The following CDH18 variants were observed in gnomAD, a reference collection of about 807,000 sequenced individuals.
The protein encoded by CDH18 is cadherin-18.
A neutral mutation model predicts 67.9 loss-of-function variants in CDH18; 31 were observed. The observed-to-expected ratio is 0.46, with a 90% CI of 0.34 to 0.62. CDH18 has a LOEUF of 0.62. Among genes scored for constraint, CDH18 ranks in the 20% least tolerant of loss-of-function variants. The pLI is 0.01. For missense variants in CDH18, 890 were observed against 975.5 expected (o/e 0.91, Z 1.17); for synonymous variants, 362 against 347.2 (o/e 1.04, Z -0.48).
At chr5:20,365,756 T>C (rs1742465419) in intron 1 of CDH18, among the ~76,000 whole-genome samples, 1 of 152,234 alleles carries the variant, frequency 6.6e-6, no homozygotes, top group Admixed American at 6.5e-5. Context: ...CCTTTATAGA[T>C]ACCTAGCCAT....
rs1776226515 is a variant in CDH18, at chr5:19,790,316, TA to T, written c.229-43081del. Among the ~76,000 whole-genome samples, 8 of 152,314 alleles carry T rather than the reference TA, an allele frequency of 5.3e-5. No individual in the cohort carries two copies. In the South Asian group the frequency reaches 1.7e-3, roughly 32 times the overall value. On this transcript the variant is annotated intron_variant, in intron 3 of 12. Transcript: ENST00000382275. Reference sequence around the variant, plus strand: ...TTCTGATTTTTTATTACTGCATGTATAAATTTTGAAATTGTTTCACTCCTTC... The same window carrying T: ...TTCTGATTTTTTATTACTGCATGTATAATTTTGAAATTGTTTCACTCCTTC...
At position 19,774,770 on chromosome 5, in the gene CDH18, T is replaced by C. The variant is rs1255375820; in HGVS notation, c.229-27534A>G. Among the ~76,000 whole-genome samples, 3 of 112,074 alleles carry C rather than the reference T, an allele frequency of 2.7e-5. No individual in the cohort carries two copies. The East Asian group carries it at 9.1e-4, about 34-fold the overall frequency. The allele number at this position is 112,074 out of a possible 152,430, so 73.5% of individuals were successfully genotyped here. On this transcript the variant is annotated intron_variant, in intron 3 of 12. Coordinates refer to ENST00000382275, the MANE Select transcript of CDH18 (RefSeq NM_004934.5). ...GTTGCAGGAAGCAAAGATCACACCA[T>C]TGCACTACAGCCTGAGTGACAGAGC...
intron 2 of CDH18, among the ~76,000 whole-genome samples, chr5:20,246,703 T>G (rs1743406436): frequency 6.6e-6 from 1 of 152,144 alleles, no homozygotes. Flanking sequence ...TTCATGATGG[T>G]TAAGAGCAAG....
chr5:19,908,349 A>G (rs116048259), intron 2 of CDH18, among the ~76,000 whole-genome samples: 162 of 152,204 alleles, frequency 1.1e-3, no homozygotes, highest in African/African-American at 3.8e-3. Context: ...TTTAACTAAA[A>G]ATGTTTTTAT....
At chr5:20,177,560 C>T (rs893860429) in intron 2 of CDH18, among the ~76,000 whole-genome samples, 1 of 152,000 alleles carries the variant, frequency 6.6e-6, no homozygotes, top group African/African-American at 2.4e-5. Flanking sequence ...GGAGTCTGGA[C>T]ATTTCGTCAA....
At chr5:19,624,661 T>A (rs1470989597) in intron 5 of CDH18, among the ~76,000 whole-genome samples, 1 of 152,162 alleles carries the variant, frequency 6.6e-6, no homozygotes, top group Non-Finnish European at 1.5e-5. Context: ...TTGAGATAGT[T>A]CTGAAGGAGC....
chr5:20,213,079 T>C (rs954943667), intron 2 of CDH18, among the ~76,000 whole-genome samples: 2 of 152,166 alleles, frequency 1.3e-5, no homozygotes, highest in South Asian at 2.1e-4. Flanking sequence ...ATTAAGCTCA[T>C]TAAGCTTAAT....
rs35498841 is a variant in CDH18 at position 19,785,654 on chromosome 5, C to CAAAA, written c.229-38422_229-38419dup. Among the ~76,000 whole-genome samples the CAAAA allele has an allele frequency of 3.6e-3, 14 of 3,904 alleles. 1 individual carries two copies. The highest frequency in any genetic ancestry group is 4.6e-3 in the African/African-American group (8 of 1,754). The allele number at this position is 3,904 out of a possible 152,430, so 2.6% of individuals were successfully genotyped here. On this transcript the variant is annotated intron_variant, in intron 3 of 12. Transcript: ENST00000382275. Reference sequence around the variant, plus strand: ...CGGCAACAAGAGCAAAACTCTGTCTCAAAAAAAAAAAAAAAAAAAAAAAAA... The same window carrying CAAAA: ...CGGCAACAAGAGCAAAACTCTGTCTCAAAAAAAAAAAAAAAAAAAAAAAAAAAAA...
At chr5:20,067,616 C>T (rs181772657) in intron 2 of CDH18, among the ~76,000 whole-genome samples, 277 of 152,080 alleles carry the variant, frequency 1.8e-3, no homozygotes, top group African/African-American at 6.4e-3. Flanking sequence ...AAACTAATTA[C>T]GAATTCAGAC....
chr5:20,555,444 T>TC (rs1757853668), intron 1 of CDH18, among the ~76,000 whole-genome samples: 1 of 58,360 alleles, frequency 1.7e-5, no homozygotes, highest in African/African-American at 5.8e-5. Context: ...TTTTTTTTTT[T>TC]TTTTTTCTTT....
At chr5:20,545,822 G>A (rs999659590) in intron 1 of CDH18, among the ~76,000 whole-genome samples, 47 of 152,282 alleles carry the variant, frequency 3.1e-4, no homozygotes, top group African/African-American at 8.9e-4. Flanking sequence ...TGGGGCTGGC[G>A]TGAATAATTC....
At chr5:19,512,899 G>T (rs1745344705) in intron 10 of CDH18, among the ~76,000 whole-genome samples, 1 of 151,766 alleles carries the variant, frequency 6.6e-6, no homozygotes. Flanking sequence ...AAGTTATGCT[G>T]GCATCATAAA....
chr5:20,259,606 A>G (rs903871788), intron 1 of CDH18, among the ~76,000 whole-genome samples: 4 of 152,314 alleles, frequency 2.6e-5, no homozygotes, highest in East Asian at 3.9e-4. Context: ...ACTTTAGAAT[A>G]CAGTATTTAA....
chr5:19,937,016 A>C (rs760827122), intron 2 of CDH18, among the ~76,000 whole-genome samples: 1 of 151,346 alleles, frequency 6.6e-6, no homozygotes, highest in Non-Finnish European at 1.5e-5. Context: ...GTATTTATGT[A>C]CACTCATATG....
chr5:20,514,132 A>G (rs982335825), intron 1 of CDH18, among the ~76,000 whole-genome samples: 1 of 152,202 alleles, frequency 6.6e-6, no homozygotes, highest in Non-Finnish European at 1.5e-5. Flanking sequence ...TAATCTGCAT[A>G]TAGACCTGCT....
intron 5 of CDH18, among the ~76,000 whole-genome samples, chr5:19,714,656 T>C (rs1765131504): frequency 6.6e-6 from 1 of 152,130 alleles, no homozygotes; most frequent in Non-Finnish European, 1.5e-5. Flanking sequence ...TAAATGTTTC[T>C]ACAGTAAGTT....
intron 11 of CDH18, among the ~76,000 whole-genome samples, chr5:19,489,587 T>A (rs28636785): frequency 0.23 from 34,235 of 152,102 alleles, 4,483 homozygotes; most frequent in African/African-American, 0.34. Context: ...GTAGCTCTTC[T>A]AAGTTTCTTT....
At chr5:19,860,329 T>C (rs755623191) in intron 2 of CDH18, among the ~76,000 whole-genome samples, 1 of 152,048 alleles carries the variant, frequency 6.6e-6, no homozygotes, top group Non-Finnish European at 1.5e-5. Context: ...TATCCTTTTC[T>C]TATTTTCATT....
intron 1 of CDH18, among the ~76,000 whole-genome samples, chr5:20,439,354 TA>T (rs1749426579): frequency 6.6e-6 from 1 of 151,620 alleles, no homozygotes; most frequent in Non-Finnish European, 1.5e-5. Flanking sequence ...TGAAAGGTTG[TA>T]AACTATTGTT....
Sources: allele counts gnomAD v4.1 joint callset (sites outside exome capture counted in the v4.1 genomes callset), GRCh38; gene constraint gnomAD v4.1.1; transcripts MANE v1.5; gene names NCBI Gene and HGNC (gene_info 2026-07-23, HGNC 2026-07-21).